SPATA1: variants seen among roughly 807,000 people sequenced by gnomAD.
The protein encoded by SPATA1 is spermatogenesis associated 1, also known as spermatogenesis-associated protein 1.
In SPATA1, 57 loss-of-function variants were observed where a neutral mutation model predicts 59.6. The ratio of observed to expected loss-of-function variants is 0.96; its 90% CI spans 0.77 to 1.19. The LOEUF is 1.19. SPATA1 is among the 50% of genes most tolerant of loss of function. SPATA1 has a pLI of 0.00. For missense variants in SPATA1, 448 were observed against 480.7 expected (o/e 0.93, Z 0.64); for synonymous variants, 147 against 163.9 (o/e 0.90, Z 0.79).
chr1:84,538,147 G>A (rs1397757877), intron 8 of SPATA1, among the ~76,000 whole-genome samples: 1 of 152,210 alleles, frequency 6.6e-6, no homozygotes, highest in Non-Finnish European at 1.5e-5. Flanking sequence ...TTGGTCTGTG[G>A]AGAAGATTAA....
At chr1:84,552,109 C>A (rs553887357) in intron 12 of SPATA1, 67 of 152,176 alleles carry the variant, frequency 4.4e-4, no homozygotes, top group African/African-American at 1.4e-3. Context: ...TGACACATAA[C>A]AGACATTATT....
chr1:84,566,340 G>C (rs931655306), downstream of SPATA1: 8 of 156,520 alleles, frequency 5.1e-5, no homozygotes, highest in Middle Eastern at 3.1e-3. Flanking sequence ...TGACAACAGG[G>C]TATGGTGATG....
intron 10 of SPATA1, 139 bp from the exon 11 acceptor site, chr1:84,548,644 AAGG>A (rs1345028036): frequency 2.9e-5 from 30 of 1,045,480 alleles, no homozygotes; most frequent in African/African-American, 1.7e-5. Context: ...TATATAAAAA[AAGG>A]AGAAGAGGAG....
chr1:84,545,058 A>G (rs1169633640), intron 9 of SPATA1, among the ~76,000 whole-genome samples: 1 of 150,472 alleles, frequency 6.6e-6, no homozygotes, highest in Admixed American at 6.6e-5. Context: ...AAAATACAAA[A>G]AAATACAAAA....
chr1:84,546,407 G>A (rs1471067882), intron 10 of SPATA1, among the ~76,000 whole-genome samples: 1 of 144,462 alleles, frequency 6.9e-6, no homozygotes, highest in Non-Finnish European at 1.5e-5. Context: ...GCAGTGAGCT[G>A]AGATTGTGCC....
At chr1:84,550,665 A>AAG in intron 12 of SPATA1, 135 bp downstream of exon 12, 5 of 1,250,748 alleles carry the variant, frequency 4.0e-6, no homozygotes, top group Non-Finnish European at 5.1e-6. Context: ...CTTAACAGTA[A>AAG]AGAGCATAGG....
chr1:84,547,647 G>A (rs1038794011), intron 10 of SPATA1, among the ~76,000 whole-genome samples: 3 of 152,134 alleles, frequency 2.0e-5, no homozygotes, highest in East Asian at 1.9e-4. Context: ...TAGGGAGGCA[G>A]GCACAAAGGG....
At chr1:84,529,641 G>T (rs1324346075) in intron 6 of SPATA1, among the ~76,000 whole-genome samples, 2 of 141,972 alleles carry the variant, frequency 1.4e-5, no homozygotes, top group Admixed American at 1.5e-4. Flanking sequence ...CAGTGCAGTG[G>T]TGCGATCTCG....
At position 84,533,627 on chromosome 1, in the gene SPATA1, CAAATA is replaced by C; in HGVS notation, c.660-76_660-72del. On this transcript the variant is annotated intron_variant, in intron 7 of 12. Coordinates refer to ENST00000490879, the Ensembl canonical transcript of SPATA1. Reference sequence around the variant, plus strand: ...TTCAATATTTGTGTTTACAGAGCATCAAATAAAATACATAAAATATGAAAAGCTAA... The same window carrying C: ...TTCAATATTTGTGTTTACAGAGCATCAAATACATAAAATATGAAAAGCTAA... 2.7e-6 allele frequency: 3 copies of C among 1,121,556 alleles called. No individual in the cohort carries two copies. The East Asian group carries it at 7.9e-5, about 29-fold the overall frequency. 69.5% of individuals were successfully genotyped at this position (1,121,556 alleles called of 1,614,324 possible).
exon 5 of SPATA1, chr1:84,565,861 GGA>G: frequency 6.4e-7 from 1 of 1,558,098 alleles, no homozygotes; most frequent in South Asian, 1.3e-5. Context: ...CTGATTATAG[GGA>G]GCATTGGCTG....
intron 8 of SPATA1, among the ~76,000 whole-genome samples, chr1:84,542,117 C>T (rs1373201208): frequency 6.6e-6 from 1 of 152,082 alleles, no homozygotes; most frequent in Non-Finnish European, 1.5e-5. Flanking sequence ...GCGTGCGACA[C>T]CACACCCGAC....
intron 4 of SPATA1, chr1:84,563,545 G>A: frequency 1.4e-6 from 1 of 722,342 alleles, no homozygotes; most frequent in Non-Finnish European, 2.0e-6. Flanking sequence ...ACAGAAAAAA[G>A]GTTAAAATAA....
intron 10 of SPATA1, 38 bp downstream of exon 10, chr1:84,545,797 A>C: frequency 7.3e-7 from 1 of 1,368,008 alleles, no homozygotes; most frequent in Non-Finnish European, 9.5e-7. Flanking sequence ...CTATAAAGAA[A>C]ACTTAAGTTT....
downstream of SPATA1, chr1:84,554,912 G>T (rs1684383983): frequency 9.7e-7 from 1 of 1,034,160 alleles, no homozygotes; most frequent in Non-Finnish European, 1.4e-6. Context: ...GATAACAAAA[G>T]TATATAGCAA....
chr1:84,554,120 T>C (rs1179251819), exon 13 of SPATA1: 1 of 151,538 alleles, frequency 6.6e-6, no homozygotes, highest in African/African-American at 2.4e-5. Context: ...CTACAAAAAA[T>C]AAAAATAAAA....
intron 6 of SPATA1, among the ~76,000 whole-genome samples, chr1:84,531,929 G>T (rs1225927923): frequency 6.6e-6 from 1 of 152,002 alleles, no homozygotes; most frequent in Non-Finnish European, 1.5e-5. Flanking sequence ...TAAAAAAATT[G>T]ATTTCTCCAA....
intron 8 of SPATA1, among the ~76,000 whole-genome samples, chr1:84,540,196 T>A (rs888960832): frequency 6.6e-6 from 1 of 152,192 alleles, no homozygotes; most frequent in Admixed American, 6.5e-5. Context: ...TTTAGTTAGA[T>A]GAGTCATGTC....
At chr1:84,554,596 T>C (rs1684374126), downstream of SPATA1, 1 of 165,550 alleles carries the variant, frequency 6.0e-6, no homozygotes, top group Admixed American at 5.8e-5. Context: ...ACAAACTGCT[T>C]TTCAAAGACT....
At chr1:84,533,885 C>T in intron 8 of SPATA1, 119 bp downstream of exon 8, 1 of 621,708 alleles carries the variant, frequency 1.6e-6, no homozygotes, top group South Asian at 2.2e-5. Context: ...CTTCTAATAT[C>T]AATATAATCA....
Sources: allele counts gnomAD v4.1 joint callset (sites outside exome capture counted in the v4.1 genomes callset), GRCh38; gene constraint gnomAD v4.1.1; transcripts MANE v1.5; gene names NCBI Gene and HGNC (gene_info 2026-07-23, HGNC 2026-07-21).